Variants in GABRP observed in about 807,000 individuals in gnomAD.
GABRP encodes gamma-aminobutyric acid type A receptor subunit pi, also known as gamma-aminobutyric acid receptor subunit pi.
GABRP carries 52 observed loss-of-function variants against 47.8 expected under a neutral mutation model. The ratio of observed to expected loss-of-function variants is 1.09; its 90% CI spans 0.87 to 1.37. GABRP has a LOEUF of 1.37. Among genes scored for constraint, GABRP ranks in the 40% most tolerant of loss-of-function variants. The pLI is 0.00. For missense variants in GABRP, 525 were observed against 542.8 expected (o/e 0.97, Z 0.33); for synonymous variants, 221 against 205.8 (o/e 1.07, Z -0.63).
Position 170,809,629 on chromosome 5 carries a change from C to A in GABRP, c.894C>A (p.Asn298Lys). Residue 298 changes from asparagine to lysine, a missense_variant, in exon 9 of 10, where the codon AAC (asparagine) becomes AAA (lysine). Physicochemically the swap from Asn to Lys is moderately conservative, Grantham distance 94. Coordinates refer to ENST00000265294, the MANE Select transcript of GABRP (RefSeq NM_014211.3). ...LMIGSRTSLP[N>K]TNCFIKAIDV... Reference sequence around the variant, plus strand: ...TCGGGTCCCGCACTTCTCTTCCCAACACCAACTGCTTCATCAAGGCCATCG... The same window carrying A: ...TCGGGTCCCGCACTTCTCTTCCCAAAACCAACTGCTTCATCAAGGCCATCG... 6.2e-7 allele frequency: 1 copy of A among 1,614,220 alleles called. No individual in the cohort carries two copies. The highest frequency in any genetic ancestry group is 8.5e-7 in the Non-Finnish European group (1 of 1,180,042).
intron 9 of GABRP, 80 bp from the exon 10 acceptor site, chr5:170,811,874 TAA>T: frequency 2.3e-6 from 3 of 1,328,878 alleles, no homozygotes; most frequent in Non-Finnish European, 3.1e-6. Flanking sequence ...CTTAGGCCTC[TAA>T]ACTTTTTATT....
intron 3 of GABRP, among the ~76,000 whole-genome samples, chr5:170,791,995 T>C (rs543752846): frequency 6.6e-6 from 1 of 152,348 alleles, no homozygotes; most frequent in African/African-American, 2.4e-5. Flanking sequence ...CTTGCCCTTT[T>C]ATCATGGCAC....
chr5:170,800,830 C>A (rs2127260207), intron 6 of GABRP, among the ~76,000 whole-genome samples: 1 of 152,232 alleles, frequency 6.6e-6, no homozygotes, highest in East Asian at 1.9e-4. Context: ...ACTGTAATCC[C>A]AGCTACTTGG....
At chr5:170,802,317 T>C (rs2127261351) in intron 6 of GABRP, among the ~76,000 whole-genome samples, 1 of 152,246 alleles carries the variant, frequency 6.6e-6, no homozygotes, top group East Asian at 1.9e-4. Context: ...GGGGCTTGTG[T>C]GTGGAGGGAG....
intron 9 of GABRP, chr5:170,810,014 A>C (rs1268844248): frequency 7.1e-6 from 5 of 700,886 alleles, no homozygotes; most frequent in Non-Finnish European, 1.3e-5. Flanking sequence ...GCAGCATAAA[A>C]TCACAACCAC....
chr5:170,792,268 C>G (rs912744231), intron 3 of GABRP, among the ~76,000 whole-genome samples: 5 of 152,130 alleles, frequency 3.3e-5, no homozygotes, highest in Non-Finnish European at 7.4e-5. Flanking sequence ...CATGGTGAAA[C>G]CCCATCTTTA....
chr5:170,798,243 A>G (rs1221289508), intron 6 of GABRP, among the ~76,000 whole-genome samples: 6 of 152,068 alleles, frequency 3.9e-5, no homozygotes. Context: ...GGGTTTCACC[A>G]TGTTAGCCAG....
chr5:170,785,503 C>T (rs190391810), intron 1 of GABRP, among the ~76,000 whole-genome samples: 10 of 152,268 alleles, frequency 6.6e-5, no homozygotes, highest in East Asian at 3.9e-4. Flanking sequence ...TAAAATGAGA[C>T]GTGTTTAGCA....
chr5:170,787,191 C>A lies in GABRP; in HGVS notation c.-42-1383C>A, dbSNP rs1053951566. ...GACTTGTTGCCATTTCAACAGTGAG[C>A]GAGTATTGGTTTTGAAAGTAAAATA... On this transcript the variant is annotated intron_variant, in intron 1 of 9. Transcript: ENST00000265294. Among the ~76,000 whole-genome samples the A allele has an allele frequency of 3.3e-5, 5 of 152,282 alleles. No individual in the cohort carries two copies. In the South Asian group the frequency reaches 6.2e-4, roughly 19 times the overall value.
chr5:170,811,688 G>C (rs570984811), intron 9 of GABRP, among the ~76,000 whole-genome samples: 1 of 152,114 alleles, frequency 6.6e-6, no homozygotes, highest in Non-Finnish European at 1.5e-5. Flanking sequence ...TGAGCATTTC[G>C]CATCTGGCAC....
At chr5:170,805,494 C>T (rs1269911150) in intron 6 of GABRP, among the ~76,000 whole-genome samples, 1 of 152,178 alleles carries the variant, frequency 6.6e-6, no homozygotes, top group African/African-American at 2.4e-5. Context: ...AACACAAGAC[C>T]AGCTCTCAAT....
intron 9 of GABRP, among the ~76,000 whole-genome samples, chr5:170,811,727 G>A (rs1012114791): frequency 4.6e-5 from 7 of 152,260 alleles, no homozygotes; most frequent in African/African-American, 1.7e-4. Flanking sequence ...AGTAGGCCAT[G>A]TTTACTCCTC....
chr5:170,799,914 A>G (rs917308068), intron 6 of GABRP, among the ~76,000 whole-genome samples: 1 of 152,146 alleles, frequency 6.6e-6, no homozygotes. Context: ...TGGCCATACT[A>G]CCCAAGGAAA....
chr5:170,798,155 C>T (rs112923328), intron 6 of GABRP, among the ~76,000 whole-genome samples: 2 of 152,222 alleles, frequency 1.3e-5, no homozygotes, highest in South Asian at 2.1e-4. Flanking sequence ...CATTCTCCTG[C>T]CTCAGCCTCC....
intron 1 of GABRP, among the ~76,000 whole-genome samples, chr5:170,786,772 T>G (rs2127248232): frequency 1.3e-5 from 2 of 152,300 alleles, no homozygotes; most frequent in Non-Finnish European, 2.9e-5. Flanking sequence ...GTTGTAAGCA[T>G]GCATTAAGTG....
intron 8 of GABRP, 124 bp from the exon 9 acceptor site, chr5:170,809,444 G>A: frequency 1.2e-6 from 1 of 855,042 alleles, no homozygotes; most frequent in Non-Finnish European, 1.9e-6. Context: ...TTTTCAAAAT[G>A]AGATGCATTC....
At chr5:170,788,909 A>G (rs564176122) in intron 2 of GABRP, among the ~76,000 whole-genome samples, 1 of 152,320 alleles carries the variant, frequency 6.6e-6, no homozygotes, top group Admixed American at 6.5e-5. Flanking sequence ...GAGGGTTTCC[A>G]AATTACCATG....
At chr5:170,798,918 G>T (rs560243752) in intron 6 of GABRP, among the ~76,000 whole-genome samples, 6 of 151,732 alleles carry the variant, frequency 4.0e-5, no homozygotes, top group African/African-American at 1.2e-4. Context: ...TTTACATTAG[G>T]TATATCTCCT....
In GABRP at chr5:170,809,682, T is replaced by C; in HGVS notation, c.947T>C (p.Phe316Ser). ...IDVYLGICFS[F>S]VFGALLEYAV... ...GTGTACCTGGGGATCTGCTTTAGCT[T>C]TGTGTTTGGGGCCTTGCTAGAATAT... Residue 316 changes from phenylalanine (F) to serine (S), a missense_variant, in exon 9 of 10, where the codon TTT becomes TCT. By Grantham distance (155) the Phe-to-Ser change is radical. Transcript: ENST00000265294. 1 of 1,613,840 alleles carries C rather than the reference T, an allele frequency of 6.2e-7. No homozygotes were observed. Among genetic ancestry groups the C allele is most frequent in the Non-Finnish European group, 8.5e-7 (1 of 1,179,852 alleles).
Sources: allele counts gnomAD v4.1 joint callset (sites outside exome capture counted in the v4.1 genomes callset), GRCh38; gene constraint gnomAD v4.1.1; transcripts MANE v1.5; gene names NCBI Gene and HGNC (gene_info 2026-07-23, HGNC 2026-07-21).